Variants in MAPK14 observed in about 807,000 individuals in gnomAD.
MAPK14 encodes mitogen-activated protein kinase 14.
A neutral mutation model predicts 49.6 loss-of-function variants in MAPK14; 16 were observed. That is an observed-to-expected ratio of 0.32 (90% CI 0.22 to 0.49). The LOEUF (loss-of-function observed/expected upper bound fraction) is 0.49, where lower values mean the gene tolerates loss of function less well. MAPK14 is among the 20% of genes least tolerant of loss of function. The probability of loss-of-function intolerance (pLI) is 0.99; values close to 1 mark genes in which losing one functional copy is unlikely to be tolerated. For synonymous variants in MAPK14, 142 were observed against 158.0 expected (o/e 0.90, Z 0.76); for missense variants, 200 against 441.2 (o/e 0.45, Z 4.90).
chr6:36,099,045 C>G (rs945427511), intron 9 of MAPK14, among the ~76,000 whole-genome samples: 10 of 152,170 alleles, frequency 6.6e-5, no homozygotes, highest in African/African-American at 2.4e-4. Flanking sequence ...TCCCTGTGGC[C>G]AGCCTTAAAC....
At position 36,028,791 on chromosome 6, in the gene MAPK14, CTTTTTTTTT is replaced by C. The variant is rs111234964; in HGVS notation, c.116+531_116+539del. The stretch of plus-strand genomic sequence containing the variant: ...ACCAGGAAGGGAGCTCTCTCCGGGC[CTTTTTTTTT>C]TTTTTTTTTTTTCAAAACTCTGTCG... On this transcript the variant is annotated intron_variant, in intron 1 of 11. Coordinates refer to ENST00000229794, the MANE Select transcript of MAPK14 (RefSeq NM_139012.3). The surrounding 1 kb of genome is among the most constrained non-coding windows in gnomAD (Gnocchi z 5.1). Among the ~76,000 whole-genome samples, 1 of 100,388 alleles carries C rather than the reference CTTTTTTTTT, an allele frequency of 1.0e-5. No homozygotes were observed. The highest frequency in any genetic ancestry group is 1.2e-4 in the Admixed American group (1 of 8,612). The allele number at this position is 100,388 out of a possible 152,430, so 65.9% of individuals were successfully genotyped here.
At chr6:36,039,472 T>G (rs1044148834) in intron 1 of MAPK14, among the ~76,000 whole-genome samples, 2 of 108,132 alleles carry the variant, frequency 1.8e-5, no homozygotes, top group East Asian at 2.5e-4. Context: ...TGAAGGAAGG[T>G]GTGTGTGTGT....
chr6:36,099,231 G>A (rs1230563504), intron 9 of MAPK14, among the ~76,000 whole-genome samples: 1 of 152,228 alleles, frequency 6.6e-6, no homozygotes, highest in Non-Finnish European at 1.5e-5. Context: ...TAGAAAAGGG[G>A]TTTATTGAAT....
chr6:36,120,477 A>C, the MAPK14 span, among the ~76,000 whole-genome samples: 2 of 151,746 alleles, frequency 1.3e-5, no homozygotes, highest in Non-Finnish European at 1.5e-5. Flanking sequence ...ATCTGAGACA[A>C]TTCATCCAAG....
chr6:36,095,163 G>T (rs1360468361), intron 8 of MAPK14, among the ~76,000 whole-genome samples: 1 of 152,190 alleles, frequency 6.6e-6, no homozygotes, highest in African/African-American at 2.4e-5. Context: ...GTTAACACAT[G>T]CACATACATT....
Position 36,110,267 on chromosome 6 carries a change from A to AC in MAPK14, c.*1825dup, listed in dbSNP as rs35722022. 2.0e-5 allele frequency: 3 copies of AC among 152,326 alleles called. No homozygotes were observed. Among genetic ancestry groups the AC allele is most frequent in the Non-Finnish European group, 4.4e-5 (3 of 68,026 alleles). The allele number at this position is 152,326 out of a possible 1,614,324, so 9.4% of individuals were successfully genotyped here. A position where few individuals can be genotyped will look rare whatever the true frequency, so the allele number is the denominator to read the frequency against. On this transcript the variant is annotated 3_prime_UTR_variant, in exon 12 of 12. Transcript: ENST00000229794. ...CATGTACTCCAGAGGGACAGGGTGG[A>AC]CCCCCTGAGTCAACTGGAGCAAGAA...
chr6:36,120,309 A>T, the MAPK14 span, among the ~76,000 whole-genome samples: 1 of 152,150 alleles, frequency 6.6e-6, no homozygotes, highest in Admixed American at 6.5e-5. Flanking sequence ...CTATTTTTAA[A>T]ATATCAGAAG....
At chr6:36,059,455 T>C in intron 3 of MAPK14, 108 bp downstream of exon 3, 2 of 788,862 alleles carry the variant, frequency 2.5e-6, no homozygotes, top group Admixed American at 2.0e-5. Context: ...AAATTCTTTA[T>C]TCCTATCATG....
At chr6:36,092,374 C>A (rs1462690687) in intron 8 of MAPK14, 1 of 664,004 alleles carries the variant, frequency 1.5e-6, no homozygotes, top group African/African-American at 1.8e-5. Context: ...GCAGGGAACT[C>A]TATGCAGTAG....
intron 1 of MAPK14, among the ~76,000 whole-genome samples, chr6:36,042,824 T>C (rs1223261719): frequency 1.3e-5 from 2 of 152,084 alleles, no homozygotes; most frequent in Non-Finnish European, 2.9e-5. Context: ...AAAATCATTC[T>C]ACTTTCATTT....
In MAPK14 at chr6:36,108,763, T is replaced by C. The variant is rs1166372995; in HGVS notation, c.*316T>C. ...AAGAGCTGCTGTCCTTTTAGGAATA[T>C]GTTCAATGCAAAGTAAAAAAATATG... On this transcript the variant is annotated 3_prime_UTR_variant, in exon 12 of 12. Transcript: ENST00000229794. The C allele has an allele frequency of 1.5e-5, 5 of 331,832 alleles. No homozygotes were observed. Among genetic ancestry groups the C allele is most frequent in the Non-Finnish European group, 2.9e-5 (5 of 174,928 alleles). The allele number at this position is 331,832 out of a possible 1,614,324, so 20.6% of individuals were successfully genotyped here. A position where few individuals can be genotyped will look rare whatever the true frequency, so the allele number is the denominator to read the frequency against.
Position 36,107,675 on chromosome 6 carries a change from C to A in MAPK14, c.1015+47C>A. 1.4e-6 allele frequency: 2 copies of A among 1,396,742 alleles called. No individual in the cohort carries two copies. Among genetic ancestry groups the A allele is most frequent in the African/African-American group, 1.5e-5 (1 of 68,750 alleles). 86.5% of individuals were successfully genotyped at this position (1,396,742 alleles called of 1,614,324 possible). ...AACATCTTGAACCACTAACCAAAAG[C>A]GGTGGGAAAAATAAAAACTGAATGG... On this transcript the variant is annotated intron_variant, in intron 11 of 11. Coordinates refer to ENST00000229794, the MANE Select transcript of MAPK14 (RefSeq NM_139012.3). The surrounding 1 kb of genome is among the most constrained non-coding windows in gnomAD (Gnocchi z 4.3).
chr6:36,038,144 TG>T (rs1217088238), intron 1 of MAPK14, among the ~76,000 whole-genome samples: 2 of 152,168 alleles, frequency 1.3e-5, no homozygotes, highest in East Asian at 1.9e-4. Context: ...CTAGGATGGC[TG>T]TTGCACTTTT....
chr6:36,059,667 T>G (rs1763730493), intron 3 of MAPK14, among the ~76,000 whole-genome samples: 1 of 151,756 alleles, frequency 6.6e-6, no homozygotes, highest in Non-Finnish European at 1.5e-5. Flanking sequence ...TTTGGTTTTG[T>G]TGTTGTTGTT....
intron 7 of MAPK14, 42 bp from the exon 8 acceptor site, chr6:36,076,495 A>G: frequency 7.2e-7 from 1 of 1,396,390 alleles, no homozygotes; most frequent in Non-Finnish European, 1.0e-6. Flanking sequence ...GAATTGTAAC[A>G]GTGACATTGC....
intron 8 of MAPK14, among the ~76,000 whole-genome samples, chr6:36,090,675 C>T (rs760639158): frequency 2.6e-4 from 40 of 152,082 alleles, no homozygotes; most frequent in Admixed American, 5.9e-4. Flanking sequence ...TACAGGTGCA[C>T]GTCATCACGC....
At chr6:36,121,390 A>T in the MAPK14 span, among the ~76,000 whole-genome samples, 1 of 152,170 alleles carries the variant, frequency 6.6e-6, no homozygotes, top group Non-Finnish European at 1.5e-5. Context: ...TGCCTGTCAC[A>T]TGGGAGCTGT....
At chr6:36,117,709 T>C in the MAPK14 span, among the ~76,000 whole-genome samples, 5 of 152,214 alleles carry the variant, frequency 3.3e-5, no homozygotes, top group African/African-American at 7.2e-5. Flanking sequence ...GAGGACTAAA[T>C]GAGTTAAGAC....
intron 1 of MAPK14, among the ~76,000 whole-genome samples, chr6:36,037,859 C>A (rs1157960632): frequency 6.6e-6 from 1 of 151,982 alleles, no homozygotes; most frequent in Non-Finnish European, 1.5e-5. Context: ...CTTGGTGGCA[C>A]ACTCCTGTAG....
Sources: gnomAD v4.1 joint callset for allele counts (sites outside exome capture counted in the v4.1 genomes callset) on GRCh38, gnomAD v4.1.1 for gene constraint, Gnocchi (gnomAD v3.1) non-coding constraint, MANE v1.5 for transcripts, NCBI Gene and HGNC (gene_info 2026-07-23, HGNC 2026-07-21) for gene names.